Variants in TMEM272 observed in about 807,000 individuals in gnomAD.
The protein encoded by TMEM272 is transmembrane protein 272.
In TMEM272, 8 loss-of-function variants were observed where a neutral mutation model predicts 3.7. The ratio of observed to expected loss-of-function variants is 2.17; its 90% CI spans 1.27 to 3.91. The LOEUF is 3.91. Among genes scored for constraint, TMEM272 ranks in the 30% most tolerant of loss-of-function variants. The pLI, the probability that TMEM272 is intolerant of heterozygous loss-of-function variation, is 0.00. For missense variants in TMEM272, 166 were observed against 91.5 expected (o/e 1.81, Z -3.32); for synonymous variants, 63 against 39.8 (o/e 1.58, Z -2.20).
At chr13:51,933,027 A>C in the TMEM272 span, 8 of 152,180 alleles carry the variant, frequency 5.3e-5, no homozygotes, top group African/African-American at 1.9e-4. Flanking sequence ...GATTTTATAA[A>C]ATAAAACCCT....
the TMEM272 span, among the ~76,000 whole-genome samples, chr13:51,906,666 G>A: frequency 2.1e-4 from 32 of 152,274 alleles, no homozygotes; most frequent in African/African-American, 7.0e-4. Context: ...CTGACCCTGA[G>A]GCATTCAAAC....
chr13:51,910,707 T>C, the TMEM272 span: 8 of 398,804 alleles, frequency 2.0e-5, no homozygotes, highest in Non-Finnish European at 3.4e-5. Context: ...AGCCTTCTGT[T>C]CGGAACTCAA....
At chr13:51,882,254 C>A in the TMEM272 span, among the ~76,000 whole-genome samples, 2 of 152,166 alleles carry the variant, frequency 1.3e-5, no homozygotes, top group Non-Finnish European at 2.9e-5. Context: ...TTAATATATA[C>A]ATTGTTAACT....
rs540522535 is a variant in TMEM272 at position 51,835,009 on chromosome 13, G to A, written c.58+3464C>T. On this transcript the variant is annotated intron_variant, in intron 2 of 4. Transcript: ENST00000629372. ...GAGCCAGGGCTGCACAGTGGCCCAG[G>A]AGAGCTCCAGAAAGCTCCCCCAAGT... is the stretch of plus-strand genomic sequence containing the variant. Among the ~76,000 whole-genome samples the A allele has an allele frequency of 6.6e-5, 10 of 152,184 alleles. No homozygotes were observed. The South Asian group carries it at 1.9e-3, about 28-fold the overall frequency.
At chr13:51,876,270 T>C in the TMEM272 span, among the ~76,000 whole-genome samples, 1 of 152,252 alleles carries the variant, frequency 6.6e-6, no homozygotes, top group African/African-American at 2.4e-5. Context: ...ATAGCTCCTG[T>C]TGGATTTTCC....
chr13:51,826,138 CAA>C lies in TMEM272; in HGVS notation c.118+426_118+427del, dbSNP rs11295480. 4.3e-3 allele frequency among the ~76,000 whole-genome samples: 533 copies of C among 123,108 alleles called. 4 individuals are homozygous for C. The highest frequency in any genetic ancestry group is 0.012 in the African/African-American group (399 of 33,612). The allele number at this position is 123,108 out of a possible 152,430, so 80.8% of individuals were successfully genotyped here. A position where few individuals can be genotyped will look rare whatever the true frequency, so the allele number is the denominator to read the frequency against. On this transcript the variant is annotated intron_variant, in intron 3 of 4. Transcript: ENST00000629372. Reference sequence around the variant, plus strand: ...TGGAAATATTTACTCATTCATTCAGCAAAAAAAAAAAAAAAAAAATGTATAGA... The same window carrying C: ...TGGAAATATTTACTCATTCATTCAGCAAAAAAAAAAAAAAAAATGTATAGA...
chr13:51,838,918 C>T (rs1956238284), intron 1 of TMEM272, among the ~76,000 whole-genome samples: 3 of 152,108 alleles, frequency 2.0e-5, no homozygotes, highest in South Asian at 2.1e-4. Flanking sequence ...CACAACAATC[C>T]TATCTGGGAA....
At chr13:51,841,994 T>C (rs989038524) in intron 1 of TMEM272, among the ~76,000 whole-genome samples, 7 of 152,230 alleles carry the variant, frequency 4.6e-5, no homozygotes, top group African/African-American at 1.7e-4. Flanking sequence ...CGACAAACTT[T>C]GCATATTGTG....
At chr13:51,858,789 A>G in the TMEM272 span, among the ~76,000 whole-genome samples, 2 of 152,190 alleles carry the variant, frequency 1.3e-5, no homozygotes, top group African/African-American at 2.4e-5. Flanking sequence ...ACAGGCCCCC[A>G]TCTCACAGAC....
At chr13:51,881,276 C>T in the TMEM272 span, among the ~76,000 whole-genome samples, 1 of 151,996 alleles carries the variant, frequency 6.6e-6, no homozygotes, top group Admixed American at 6.6e-5. Flanking sequence ...TGTCATTCAC[C>T]AGGGATAGTT....
At chr13:51,875,438 G>A in the TMEM272 span, among the ~76,000 whole-genome samples, 4 of 152,086 alleles carry the variant, frequency 2.6e-5, no homozygotes, top group African/African-American at 7.2e-5. Context: ...CTTTAGCAGC[G>A]TGCAAAGTGA....
At chr13:51,913,803 C>T in the TMEM272 span, among the ~76,000 whole-genome samples, 3 of 152,206 alleles carry the variant, frequency 2.0e-5, no homozygotes, top group Non-Finnish European at 4.4e-5. Context: ...AGAAATACTG[C>T]TACACATGCT....
the TMEM272 span, among the ~76,000 whole-genome samples, chr13:51,854,966 C>A: frequency 1.3e-5 from 2 of 152,148 alleles, no homozygotes; most frequent in South Asian, 4.1e-4. Flanking sequence ...GTATTTGGAA[C>A]AACATGAGGA....
Position 51,815,561 on chromosome 13 carries a change from G to A in TMEM272, c.*1190C>T, listed in dbSNP as rs1384911777. The A allele has an allele frequency of 6.6e-6, 1 of 152,360 alleles. No individual in the cohort carries two copies. The highest frequency in any genetic ancestry group is 6.5e-5 in the Admixed American group (1 of 15,294). 9.4% of individuals were successfully genotyped at this position (152,360 alleles called of 1,614,324 possible). ...GTTAAAAAATAAACACAGCTCAGCA[G>A]TGTGTAAATATACAGAAATGCTATG... On this transcript the variant is annotated 3_prime_UTR_variant, in exon 5 of 5. Coordinates refer to ENST00000629372, the MANE Select transcript of TMEM272 (RefSeq NM_001351003.2).
chr13:51,833,620 G>A (rs933624099), intron 2 of TMEM272, among the ~76,000 whole-genome samples: 5 of 152,156 alleles, frequency 3.3e-5, no homozygotes, highest in African/African-American at 1.2e-4. Flanking sequence ...AAATGTGAGG[G>A]ACAGAAAGAG....
At chr13:51,827,493 T>C (rs1442267857) in intron 2 of TMEM272, among the ~76,000 whole-genome samples, 1 of 152,194 alleles carries the variant, frequency 6.6e-6, no homozygotes, top group Non-Finnish European at 1.5e-5. Context: ...TATCTGCAGA[T>C]ATAGGTTTTG....
chr13:51,849,111 G>A (rs554000930), upstream of TMEM272, among the ~76,000 whole-genome samples: 3 of 152,126 alleles, frequency 2.0e-5, no homozygotes, highest in South Asian at 6.2e-4. Context: ...TTTTCCTGAG[G>A]ACAATTTAAG....
chr13:51,867,576 C>T, the TMEM272 span, among the ~76,000 whole-genome samples: 1 of 152,162 alleles, frequency 6.6e-6, no homozygotes, highest in Non-Finnish European at 1.5e-5. Context: ...CAGGAGCAGC[C>T]AGGCCTCTGA....
chr13:51,852,967 A>G, the TMEM272 span, among the ~76,000 whole-genome samples: 1 of 152,118 alleles, frequency 6.6e-6, no homozygotes, highest in African/African-American at 2.4e-5. Context: ...TCCATGTGTA[A>G]CTTTCAACTC....
Sources: allele counts gnomAD v4.1 joint callset (sites outside exome capture counted in the v4.1 genomes callset), GRCh38; gene constraint gnomAD v4.1.1; transcripts MANE v1.5; gene names NCBI Gene and HGNC (gene_info 2026-07-23, HGNC 2026-07-21).